The following TBC1D22A variants were observed in gnomAD, a reference collection of about 807,000 sequenced individuals.
The protein encoded by TBC1D22A is TBC1 domain family member 22A, also known as putative GTPase activator.
TBC1D22A carries 38 observed loss-of-function variants against 60.2 expected under a neutral mutation model. That is an observed-to-expected ratio of 0.63 (90% CI 0.49 to 0.83). The LOEUF (loss-of-function observed/expected upper bound fraction) is 0.83, where lower values mean the gene tolerates loss of function less well. TBC1D22A is among the 40% of genes least tolerant of loss of function. The pLI, the probability that TBC1D22A is intolerant of heterozygous loss-of-function variation, is 0.00. For missense variants in TBC1D22A, 628 were observed against 701.0 expected, an observed-to-expected ratio of 0.90 and a Z score of 1.18; for synonymous variants, 302 against 281.7, an observed-to-expected ratio of 1.07 and a Z score of -0.72.
At chr22:47,030,055 G>A (rs1268308305) in intron 10 of TBC1D22A, among the ~76,000 whole-genome samples, 1 of 152,272 alleles carries the variant, frequency 6.6e-6, no homozygotes, top group African/African-American at 2.4e-5. Flanking sequence ...TGAGAAAGGA[G>A]GTGGGCTCAG....
At chr22:47,108,656 CTTATCAAA>C (rs2065730141) in intron 11 of TBC1D22A, among the ~76,000 whole-genome samples, 1 of 152,190 alleles carries the variant, frequency 6.6e-6, no homozygotes, top group African/African-American at 2.4e-5. Flanking sequence ...TATATCAAAA[CTTATCAAA>C]TTATAAACTT....
intron 8 of TBC1D22A, chr22:46,913,838 T>C (rs571020399): frequency 2.3e-6 from 2 of 863,498 alleles, no homozygotes; most frequent in African/African-American, 3.7e-5. Flanking sequence ...TCTTAATGCA[T>C]TTGCCTGATT....
chr22:47,128,661 C>T (rs1156564612), intron 12 of TBC1D22A, among the ~76,000 whole-genome samples: 1 of 152,148 alleles, frequency 6.6e-6, no homozygotes, highest in Non-Finnish European at 1.5e-5. Context: ...AATCATCCCT[C>T]TCTGTGATGG....
At chr22:47,140,849 A>G (rs925235693) in intron 12 of TBC1D22A, among the ~76,000 whole-genome samples, 2 of 152,142 alleles carry the variant, frequency 1.3e-5, no homozygotes, top group South Asian at 4.1e-4. Context: ...CCCCAAAAAA[A>G]CCTGCCTCCC....
chr22:47,004,300 C>G (rs1440778951), intron 10 of TBC1D22A, among the ~76,000 whole-genome samples: 2 of 147,692 alleles, frequency 1.4e-5, no homozygotes, highest in Non-Finnish European at 3.0e-5. Flanking sequence ...AATCCTCATA[C>G]ATACACAACC....
intron 4 of TBC1D22A, among the ~76,000 whole-genome samples, chr22:46,861,130 T>A (rs1263143603): frequency 1.3e-5 from 2 of 152,096 alleles, no homozygotes; most frequent in African/African-American, 2.4e-5. Context: ...GTTAATTTTT[T>A]ATTTTTTTGT....
intron 8 of TBC1D22A, among the ~76,000 whole-genome samples, chr22:46,955,046 T>C (rs765240237): frequency 2.4e-4 from 36 of 152,214 alleles, no homozygotes; most frequent in Non-Finnish European, 4.6e-4. Context: ...TTGAGAGCTG[T>C]TTTTTCTCAT....
At chr22:46,826,835 C>T (rs973852035) in intron 4 of TBC1D22A, among the ~76,000 whole-genome samples, 4 of 152,200 alleles carry the variant, frequency 2.6e-5, no homozygotes, top group African/African-American at 9.7e-5. Context: ...ACGCTTGCCC[C>T]ATCCAGAGTG....
chr22:47,170,981 C>T (rs1322720082), intron 12 of TBC1D22A, among the ~76,000 whole-genome samples: 3 of 152,194 alleles, frequency 2.0e-5, no homozygotes, highest in Non-Finnish European at 4.4e-5. Context: ...GGGCCTGCCT[C>T]AGTGAGGGTG....
intron 12 of TBC1D22A, among the ~76,000 whole-genome samples, chr22:47,125,409 T>C (rs1300557051): frequency 6.6e-6 from 1 of 152,214 alleles, no homozygotes; most frequent in African/African-American, 2.4e-5. Context: ...TTCCTAGTCC[T>C]CACACGGTGA....
intron 1 of TBC1D22A, among the ~76,000 whole-genome samples, chr22:46,779,604 C>T (rs981021551): frequency 1.3e-5 from 2 of 152,162 alleles, no homozygotes; most frequent in African/African-American, 2.4e-5. Flanking sequence ...TTTCTGTTTT[C>T]TATAATAAAC....
intron 4 of TBC1D22A, among the ~76,000 whole-genome samples, chr22:46,860,857 T>C (rs529128754): frequency 1.3e-5 from 2 of 152,136 alleles, no homozygotes; most frequent in Admixed American, 6.5e-5. Context: ...TGGTGTTGAG[T>C]GGGGGTTACA....
In TBC1D22A at chr22:46,985,177, A is replaced by C. The variant is rs566853740; in HGVS notation, c.1125+10778A>C. Among the ~76,000 whole-genome samples the C allele has an allele frequency of 2.0e-5, 3 of 152,358 alleles. No individual in the cohort carries two copies. In the South Asian group the frequency reaches 6.2e-4, roughly 32 times the overall value. Reference sequence around the variant, plus strand: ...AGTTGGCAGAGAGAAAGCGCACTCCAGCTGAGCTCTGATTTGGCATTTGTT... The same window carrying C: ...AGTTGGCAGAGAGAAAGCGCACTCCCGCTGAGCTCTGATTTGGCATTTGTT... On this transcript the variant is annotated intron_variant, in intron 9 of 12. Coordinates refer to ENST00000337137, the MANE Select transcript of TBC1D22A (RefSeq NM_014346.5).
rs184481650 is a variant in TBC1D22A, at chr22:46,875,649, A to C, written c.638-3004A>C. Among the ~76,000 whole-genome samples the C allele has an allele frequency of 1.4e-4, 22 of 152,134 alleles. 2 individuals carry two copies. The East Asian group carries it at 4.2e-3, about 29-fold the overall frequency. On this transcript the variant is annotated intron_variant, in intron 4 of 12. Coordinates refer to ENST00000337137, the MANE Select transcript of TBC1D22A (RefSeq NM_014346.5). ...GTATTTTTAGTAGAGATGGGGTTTC[A>C]CCATGTTGGCCAGGCTAGTCTTGAG...
intron 4 of TBC1D22A, among the ~76,000 whole-genome samples, chr22:46,845,299 G>A (rs186311387): frequency 6.6e-6 from 1 of 152,224 alleles, no homozygotes; most frequent in South Asian, 2.1e-4. Flanking sequence ...TGTATCTGAC[G>A]TTATTTTCAG....
intron 4 of TBC1D22A, among the ~76,000 whole-genome samples, chr22:46,835,276 C>T (rs979292151): frequency 2.0e-5 from 3 of 151,848 alleles, no homozygotes; most frequent in Admixed American, 6.6e-5. Flanking sequence ...GTAACTGATC[C>T]CAAACAGATG....
intron 1 of TBC1D22A, among the ~76,000 whole-genome samples, chr22:46,775,542 G>C (rs1601814341): frequency 6.6e-6 from 1 of 152,324 alleles, no homozygotes; most frequent in African/African-American, 2.4e-5. Context: ...TATTGATGGT[G>C]CAGTAGGTGA....
intron 4 of TBC1D22A, among the ~76,000 whole-genome samples, chr22:46,861,856 C>T (rs1166968801): frequency 6.6e-6 from 1 of 152,260 alleles, no homozygotes; most frequent in Non-Finnish European, 1.5e-5. Context: ...CAGTTTGACT[C>T]TGACTTTTCA....
intron 12 of TBC1D22A, among the ~76,000 whole-genome samples, chr22:47,127,981 T>TC (rs56157363): frequency 0.37 from 8,999 of 24,276 alleles, 1,936 homozygotes; most frequent in East Asian, 0.69. Flanking sequence ...ACCCCACCCA[T>TC]CCCCCCATCC....
Sources: gnomAD v4.1 joint callset for allele counts (sites outside exome capture counted in the v4.1 genomes callset) on GRCh38, gnomAD v4.1.1 for gene constraint, MANE v1.5 for transcripts, NCBI Gene and HGNC (gene_info 2026-07-23, HGNC 2026-07-21) for gene names.